Variants in COMMD1 observed in about 807,000 individuals in gnomAD.
COMMD1 encodes the protein copper metabolism domain containing 1, also known as COMM domain-containing protein 1.
COMMD1 carries 10 observed loss-of-function variants against 17.2 expected under a neutral mutation model. The ratio of observed to expected loss-of-function variants is 0.58; its 90% CI spans 0.36 to 0.99. The LOEUF is 0.99. Among genes scored for constraint, COMMD1 ranks in the 50% least tolerant of loss-of-function variants. The pLI is 0.01. For missense variants in COMMD1, 270 were observed against 231.8 expected, an observed-to-expected ratio of 1.17 and a Z score of -1.07; for synonymous variants, 97 against 91.6, an observed-to-expected ratio of 1.06 and a Z score of -0.34.
intron 1 of COMMD1, among the ~76,000 whole-genome samples, chr2:61,954,208 CA>C (rs551419717): frequency 6.6e-6 from 1 of 150,922 alleles, no homozygotes; most frequent in South Asian, 2.1e-4. Context: ...GACTCTGTCT[CA>C]AAAAAAAGAG....
chr2:61,955,129 C>G (rs1219127253), intron 1 of COMMD1, among the ~76,000 whole-genome samples: 2 of 152,242 alleles, frequency 1.3e-5, no homozygotes, highest in African/African-American at 4.8e-5. Flanking sequence ...TTCCACATCT[C>G]TAATGACTGA....
upstream of COMMD1, among the ~76,000 whole-genome samples, chr2:61,902,427 A>G (rs538269756): frequency 4.6e-5 from 7 of 151,736 alleles, no homozygotes; most frequent in African/African-American, 1.7e-4. Context: ...AATCGTTTGA[A>G]CCCGGGAGGC....
chr2:61,977,219 C>CTGCT (rs998325786), intron 1 of COMMD1, among the ~76,000 whole-genome samples: 7 of 145,088 alleles, frequency 4.8e-5, no homozygotes, highest in Middle Eastern at 3.5e-3. Flanking sequence ...GAATCTAAAA[C>CTGCT]TGCTGTAAAA....
At chr2:61,916,170 C>T (rs149893060) in intron 1 of COMMD1, among the ~76,000 whole-genome samples, 1 of 152,098 alleles carries the variant, frequency 6.6e-6, no homozygotes, top group Non-Finnish European at 1.5e-5. Flanking sequence ...CCATGTTGCC[C>T]AGGCCGGTCT....
At chr2:62,002,958 C>A (rs574515516) in intron 2 of COMMD1, among the ~76,000 whole-genome samples, 1 of 152,228 alleles carries the variant, frequency 6.6e-6, no homozygotes, top group African/African-American at 2.4e-5. Context: ...TCTTGCTGGG[C>A]ACAGTGGCTC....
At chr2:61,971,612 C>G (rs1671654206) in intron 1 of COMMD1, among the ~76,000 whole-genome samples, 1 of 152,096 alleles carries the variant, frequency 6.6e-6, no homozygotes, top group African/African-American at 2.4e-5. Flanking sequence ...AGAGAAGCCT[C>G]ATGATATCCC....
In COMMD1 at chr2:62,008,782, GTTTA is replaced by G. The variant is rs201066297; in HGVS notation, c.462+7809_462+7812del. ...TTTAGAATACATTATTTATTTGTTT[GTTTA>G]TTTATTTACTTACTTACAGAGTCTC... On this transcript the variant is annotated intron_variant, in intron 2 of 2. Coordinates refer to ENST00000311832, the MANE Select transcript of COMMD1 (RefSeq NM_152516.4). Among the ~76,000 whole-genome samples the G allele has an allele frequency of 8.9e-3, 1,172 of 132,146 alleles. 3 individuals are homozygous for G. The highest frequency in any genetic ancestry group is 0.013 in the Non-Finnish European group (827 of 63,836). The allele number at this position is 132,146 out of a possible 152,430, so 86.7% of individuals were successfully genotyped here.
intron 2 of COMMD1, among the ~76,000 whole-genome samples, chr2:62,102,484 C>A (rs139027213): frequency 0.017 from 2,535 of 152,256 alleles, 53 homozygotes; most frequent in Non-Finnish European, 0.025. Flanking sequence ...TCTATTATAT[C>A]TTTGACCTTT....
intron 2 of COMMD1, among the ~76,000 whole-genome samples, chr2:62,078,170 G>A (rs1445161811): frequency 1.3e-5 from 2 of 149,882 alleles, no homozygotes; most frequent in Non-Finnish European, 1.5e-5. Context: ...TGCTACTCGG[G>A]AGGCTGAGGC....
At chr2:62,057,772 A>G (rs147820604) in intron 2 of COMMD1, among the ~76,000 whole-genome samples, 2,618 of 150,638 alleles carry the variant, frequency 0.017, 52 homozygotes, top group Non-Finnish European at 0.027. Context: ...CATTCTCCCT[A>G]TGTTGCCCAG....
At chr2:62,088,902 C>T (rs905696981) in intron 2 of COMMD1, among the ~76,000 whole-genome samples, 1 of 152,150 alleles carries the variant, frequency 6.6e-6, no homozygotes, top group Non-Finnish European at 1.5e-5. Context: ...TTAAGAAATA[C>T]ATTGGTCTGG....
chr2:62,097,631 C>G (rs988179461), intron 2 of COMMD1, among the ~76,000 whole-genome samples: 1 of 152,096 alleles, frequency 6.6e-6, no homozygotes, highest in Non-Finnish European at 1.5e-5. Flanking sequence ...GGGGTACTAT[C>G]TACTATAAGA....
intron 1 of COMMD1, among the ~76,000 whole-genome samples, chr2:61,907,511 A>C (rs1278071075): frequency 1.3e-5 from 2 of 152,124 alleles, no homozygotes; most frequent in Non-Finnish European, 1.5e-5. Context: ...TATGGGGATG[A>C]GGCCTATATC....
chr2:61,935,581 G>A (rs971473331), intron 1 of COMMD1, among the ~76,000 whole-genome samples: 6 of 150,408 alleles, frequency 4.0e-5, no homozygotes, highest in South Asian at 2.1e-4. Context: ...TGAGCCGACC[G>A]AGATCACACT....
At chr2:61,949,645 G>A (rs1670999282) in intron 1 of COMMD1, among the ~76,000 whole-genome samples, 1 of 149,064 alleles carries the variant, frequency 6.7e-6, no homozygotes, top group South Asian at 2.2e-4. Context: ...TCCAGATCAA[G>A]GCAGATTCAG....
At chr2:62,088,638 T>G (rs35180186) in intron 2 of COMMD1, among the ~76,000 whole-genome samples, 139 of 152,328 alleles carry the variant, frequency 9.1e-4, no homozygotes, top group Non-Finnish European at 1.7e-3. Context: ...TTTTCCTGGT[T>G]TCTAATCATT....
At chr2:62,041,858 G>C (rs1573105694) in intron 2 of COMMD1, among the ~76,000 whole-genome samples, 1 of 152,204 alleles carries the variant, frequency 6.6e-6, no homozygotes, top group Non-Finnish European at 1.5e-5. Context: ...GACTTTTGCT[G>C]TGAGTGTTGC....
intron 2 of COMMD1, among the ~76,000 whole-genome samples, chr2:62,105,553 G>A (rs1156780223): frequency 6.6e-6 from 1 of 152,336 alleles, no homozygotes; most frequent in East Asian, 1.9e-4. Flanking sequence ...GCTGGGTGCG[G>A]TGGCTCACGC....
At chr2:62,019,121 C>CTCCT (rs1362680943) in intron 2 of COMMD1, among the ~76,000 whole-genome samples, 1 of 133,544 alleles carries the variant, frequency 7.5e-6, no homozygotes, top group Non-Finnish European at 1.6e-5. Flanking sequence ...CCCTCCCTCC[C>CTCCT]TCCCTCCCTC....
Sources: gnomAD v4.1 joint callset for allele counts (sites outside exome capture counted in the v4.1 genomes callset) on GRCh38, gnomAD v4.1.1 for gene constraint, MANE v1.5 for transcripts, NCBI Gene and HGNC (gene_info 2026-07-23, HGNC 2026-07-21) for gene names.